The following NKIRAS1 variants were observed in gnomAD, a reference collection of about 807,000 sequenced individuals.
NKIRAS1 encodes the protein NFKB inhibitor interacting Ras like 1.
A neutral mutation model predicts 19.8 loss-of-function variants in NKIRAS1; 16 were observed. That is an observed-to-expected ratio of 0.81 (90% CI 0.55 to 1.23). The LOEUF is 1.23. NKIRAS1 is among the 50% of genes most tolerant of loss of function. The pLI is 0.00. For missense variants in NKIRAS1, 184 were observed against 220.0 expected, an observed-to-expected ratio of 0.84 and a Z score of 1.04; for synonymous variants, 88 against 79.0, an observed-to-expected ratio of 1.11 and a Z score of -0.61.
chr3:23,920,562 G>C (rs190077494), upstream of NKIRAS1: 1 of 985,280 alleles, frequency 1.0e-6, no homozygotes, highest in African/African-American at 1.7e-5. Context: ...CTGTTGTCCA[G>C]GGTCAATTTG....
intron 3 of NKIRAS1, among the ~76,000 whole-genome samples, chr3:23,901,486 A>G (rs1702516681): frequency 1.3e-5 from 2 of 152,126 alleles, no homozygotes; most frequent in African/African-American, 4.8e-5. Flanking sequence ...ACCTGGCGTA[A>G]ACAAAATTCT....
chr3:23,945,553 GC>G, intron 1 of NKIRAS1: 4 of 1,154,102 alleles, frequency 3.5e-6, no homozygotes. Context: ...GAAGCGGGCG[GC>G]CCCGGCCGCC....
intron 1 of NKIRAS1, among the ~76,000 whole-genome samples, chr3:23,939,503 G>C (rs1276599726): frequency 6.6e-6 from 1 of 152,234 alleles, no homozygotes; most frequent in Non-Finnish European, 1.5e-5. Context: ...CAGCACTTTG[G>C]GAGGCCAAGT....
intron 1 of NKIRAS1, among the ~76,000 whole-genome samples, chr3:23,944,188 T>C (rs1705566155): frequency 1.3e-5 from 2 of 152,076 alleles, no homozygotes; most frequent in African/African-American, 4.8e-5. Context: ...GAGAGAAACA[T>C]AATTTTGCTG....
chr3:23,896,813 T>TA (rs78648312), intron 4 of NKIRAS1, among the ~76,000 whole-genome samples: 1,521 of 137,480 alleles, frequency 0.011, 22 homozygotes, highest in African/African-American at 0.035. Flanking sequence ...TCTCTACAAT[T>TA]AAAAAAAAAA....
rs1559500025 is a variant in NKIRAS1, at chr3:23,893,226, T to C, written c.448A>G (p.Thr150Ala). The change falls in exon 5 of 5, where the codon ACT becomes GCT. Residue 150 changes from threonine to alanine, a missense_variant. By Grantham distance (58) the Thr-to-Ala change is moderately conservative (BLOSUM62 0). Coordinates refer to ENST00000425478, the MANE Select transcript of NKIRAS1 (RefSeq NM_020345.4). ...ATCAGAGTTTTCCGATCTGTAACAG[T>C]CACCTCCCACAGTCTTACTTTCTCA... ...KSEKVRLWEVTVTDRKTLIEP... is the reference protein window; with the variant it reads ...KSEKVRLWEVAVTDRKTLIEP... 1 of 1,614,204 alleles carries C rather than the reference T, an allele frequency of 6.2e-7. No homozygotes were observed. The highest frequency in any genetic ancestry group is 8.5e-7 in the Non-Finnish European group (1 of 1,180,034).
At position 23,892,252 on chromosome 3, in the gene NKIRAS1, T is replaced by C. The variant is rs1014819076; in HGVS notation, c.*843A>G. ...AAATCTTTAGAGAAACAACACAAAC[T>C]CAGACATCTAAGTCAGATCAAATTA... On this transcript the variant is annotated 3_prime_UTR_variant, in exon 5 of 5. Transcript: ENST00000425478. 1.3e-5 allele frequency: 2 copies of C among 152,142 alleles called. No individual in the cohort carries two copies. The highest frequency in any genetic ancestry group is 2.9e-5 in the Non-Finnish European group (2 of 68,036). 9.4% of individuals were successfully genotyped at this position (152,142 alleles called of 1,614,324 possible).
At chr3:23,915,511 GTC>G (rs1704262109) in intron 1 of NKIRAS1, among the ~76,000 whole-genome samples, 1 of 152,232 alleles carries the variant, frequency 6.6e-6, no homozygotes, top group Non-Finnish European at 1.5e-5. Flanking sequence ...TTCCTAAGCA[GTC>G]TCTCTGCTTC....
chr3:23,896,577 C>T (rs1456038110), intron 4 of NKIRAS1, among the ~76,000 whole-genome samples: 2 of 151,748 alleles, frequency 1.3e-5, no homozygotes, highest in African/African-American at 4.8e-5. Context: ...CATGCCACTG[C>T]ACTCTAGCGT....
chr3:23,908,677 C>A (rs1271181367), intron 3 of NKIRAS1, among the ~76,000 whole-genome samples: 2 of 151,674 alleles, frequency 1.3e-5, no homozygotes, highest in African/African-American at 4.8e-5. Context: ...TCTCCATTTT[C>A]CTTTTCTTTT....
intron 1 of NKIRAS1, among the ~76,000 whole-genome samples, chr3:23,942,729 A>G (rs1421136158): frequency 6.6e-6 from 1 of 151,864 alleles, no homozygotes; most frequent in Non-Finnish European, 1.5e-5. Flanking sequence ...CCTCAAAGCC[A>G]CAGTTTACAT....
rs143799784 is a variant in NKIRAS1 at position 23,911,017 on chromosome 3, C to G, written c.-17-96G>C. 1,169 of 903,236 alleles carry G rather than the reference C, an allele frequency of 1.3e-3. 7 individuals are homozygous for G. The African/African-American group carries it at 0.017, about 13-fold the overall frequency. The allele number at this position is 903,236 out of a possible 1,614,324, so 56.0% of individuals were successfully genotyped here. ...TTCAATTTAATATGTAACACATGCA[C>G]AGGGGAAATTTTCAAATACAGAAAA... On this transcript the variant is annotated intron_variant, in intron 2 of 4. Transcript: ENST00000425478.
At chr3:23,898,327 G>C (rs1381522820) in intron 4 of NKIRAS1, among the ~76,000 whole-genome samples, 1 of 151,954 alleles carries the variant, frequency 6.6e-6, no homozygotes, top group African/African-American at 2.4e-5. Context: ...ACGTACCATG[G>C]AATACTACTC....
intron 3 of NKIRAS1, among the ~76,000 whole-genome samples, chr3:23,909,303 C>A (rs1185103207): frequency 6.6e-6 from 1 of 152,086 alleles, no homozygotes; most frequent in Non-Finnish European, 1.5e-5. Context: ...GGGGGGATCA[C>A]TTGAGGTCAG....
chr3:23,916,726 G>GGAGACGCGGAGACGCGGAGACGCA (rs1355070903), intron 1 of NKIRAS1, 58 bp downstream of exon 1: 2 of 152,312 alleles, frequency 1.3e-5, no homozygotes, highest in African/African-American at 2.4e-5. Context: ...AGCGCAGCGC[G>GGAGACGCGGAGACGCGGAGACGCA]GAGACGCGGA....
At chr3:23,900,743 A>G in intron 4 of NKIRAS1, 65 bp downstream of exon 4, 2 of 1,294,882 alleles carry the variant, frequency 1.5e-6, no homozygotes, top group South Asian at 2.5e-5. Context: ...AACTACCCAA[A>G]AGTCTGTGCT....
chr3:23,902,881 C>G (rs1702658350), intron 3 of NKIRAS1, among the ~76,000 whole-genome samples: 1 of 152,236 alleles, frequency 6.6e-6, no homozygotes, highest in African/African-American at 2.4e-5. Context: ...CGCACACACA[C>G]ATACTGAATG....
chr3:23,941,990 TA>T (rs370938344), intron 1 of NKIRAS1, among the ~76,000 whole-genome samples: 6,425 of 66,810 alleles, frequency 0.096, 367 homozygotes, highest in African/African-American at 0.2. Context: ...TTTATTTATT[TA>T]TTTTTGAGAC....
chr3:23,936,883 G>A (rs1705404684), intron 1 of NKIRAS1, among the ~76,000 whole-genome samples: 1 of 150,750 alleles, frequency 6.6e-6, no homozygotes, highest in Admixed American at 6.6e-5. Context: ...AAGTTTTCAG[G>A]TGATGCTGAT....
Sources: gnomAD v4.1 joint callset for allele counts (sites outside exome capture counted in the v4.1 genomes callset) on GRCh38, gnomAD v4.1.1 for gene constraint, MANE v1.5 for transcripts, NCBI Gene and HGNC (gene_info 2026-07-23, HGNC 2026-07-21) for gene names.